Variants in ERC2 observed in about 807,000 individuals in gnomAD.
ERC2 encodes the protein ERC protein 2.
In ERC2, 42 loss-of-function variants were observed where a neutral mutation model predicts 114.8. That is an observed-to-expected ratio of 0.37 (90% CI 0.29 to 0.47). The LOEUF (loss-of-function observed/expected upper bound fraction) is 0.47. Ranked by LOEUF, ERC2 falls within the 20% of genes least tolerant of loss-of-function variation. The pLI is 0.99. For missense variants in ERC2, 939 were observed against 1,150.7 expected, an observed-to-expected ratio of 0.82 and a Z score of 2.66; for synonymous variants, 454 against 425.5, an observed-to-expected ratio of 1.07 and a Z score of -0.82.
chr3:56,114,305 C>T (rs920637375), intron 6 of ERC2, among the ~76,000 whole-genome samples: 1 of 152,132 alleles, frequency 6.6e-6, no homozygotes, highest in Non-Finnish European at 1.5e-5. Flanking sequence ...ATAAACCAGC[C>T]AGAGGAAGTC....
At chr3:55,951,204 T>C (rs1323905659) in intron 12 of ERC2, among the ~76,000 whole-genome samples, 2 of 152,200 alleles carry the variant, frequency 1.3e-5, no homozygotes, top group African/African-American at 4.8e-5. Flanking sequence ...CAGCATTTAT[T>C]TTCTTCTAAT....
intron 2 of ERC2, among the ~76,000 whole-genome samples, chr3:56,406,661 C>A (rs1258018935): frequency 6.6e-6 from 1 of 152,200 alleles, no homozygotes; most frequent in Non-Finnish European, 1.5e-5. Flanking sequence ...GTCCTGCTCA[C>A]ACCCTACAGT....
At chr3:56,386,597 A>T (rs890737066) in intron 2 of ERC2, among the ~76,000 whole-genome samples, 2 of 152,070 alleles carry the variant, frequency 1.3e-5, no homozygotes, top group African/African-American at 2.4e-5. Flanking sequence ...TCTGTTTTTT[A>T]AAATTTCCCC....
intron 15 of ERC2, among the ~76,000 whole-genome samples, chr3:55,733,454 T>C (rs937889201): frequency 1.0e-5 from 1 of 97,086 alleles, no homozygotes; most frequent in African/African-American, 3.5e-5. Flanking sequence ...TCTCTCATTC[T>C]CTCTCTCTCT....
intron 11 of ERC2, among the ~76,000 whole-genome samples, chr3:55,987,597 T>A (rs554105323): frequency 6.6e-6 from 1 of 152,346 alleles, no homozygotes; most frequent in African/African-American, 2.4e-5. Flanking sequence ...ACCATGAAAC[T>A]TCTAAAAGAT....
intron 17 of ERC2, among the ~76,000 whole-genome samples, chr3:55,627,709 T>C (rs977089877): frequency 3.3e-5 from 5 of 152,142 alleles, no homozygotes; most frequent in South Asian, 2.1e-4. Flanking sequence ...GATAGAGACA[T>C]CACAAAAGAA....
At chr3:56,065,254 C>T (rs1005413603) in intron 7 of ERC2, among the ~76,000 whole-genome samples, 2 of 151,994 alleles carry the variant, frequency 1.3e-5, no homozygotes, top group African/African-American at 2.4e-5. Context: ...GACAGGGTCT[C>T]GCTCTGTTGC....
intron 2 of ERC2, among the ~76,000 whole-genome samples, chr3:56,334,584 G>T (rs2057769472): frequency 6.6e-6 from 1 of 152,114 alleles, no homozygotes; most frequent in African/African-American, 2.4e-5. Context: ...GAATCATTAA[G>T]AAATATTGCA....
chr3:55,576,301 C>T (rs1387030279), intron 17 of ERC2, among the ~76,000 whole-genome samples: 1 of 149,758 alleles, frequency 6.7e-6, no homozygotes, highest in African/African-American at 2.5e-5. Context: ...AAGAGCAAGA[C>T]TCCATCTCAA....
intron 17 of ERC2, among the ~76,000 whole-genome samples, chr3:55,667,483 A>G: frequency 6.6e-6 from 1 of 152,210 alleles, no homozygotes; most frequent in Non-Finnish European, 1.5e-5. Context: ...TCTACATTGC[A>G]CCTGGCTATT....
At chr3:56,302,812 A>G (rs1036189081) in intron 2 of ERC2, among the ~76,000 whole-genome samples, 22 of 152,324 alleles carry the variant, frequency 1.4e-4, no homozygotes, top group African/African-American at 5.3e-4. Context: ...TGAAAGCTTC[A>G]GTCATTCTTT....
chr3:56,343,764 G>A (rs953380611), intron 2 of ERC2, among the ~76,000 whole-genome samples: 1 of 152,164 alleles, frequency 6.6e-6, no homozygotes, highest in South Asian at 2.1e-4. Flanking sequence ...GCAAAGGACA[G>A]GACACAAAGC....
intron 17 of ERC2, chr3:55,606,613 C>G (rs1288648671): frequency 1.3e-5 from 2 of 152,210 alleles, no homozygotes; most frequent in Non-Finnish European, 2.9e-5. Context: ...AATCATGGAA[C>G]AGTCTGGCTG....
chr3:56,189,028 G>A (rs991922917), intron 3 of ERC2, among the ~76,000 whole-genome samples: 1 of 152,128 alleles, frequency 6.6e-6, no homozygotes, highest in African/African-American at 2.4e-5. Flanking sequence ...AAACTTAGGA[G>A]GTAAGCACCA....
At chr3:55,962,020 T>C (rs1001213469) in intron 12 of ERC2, among the ~76,000 whole-genome samples, 1 of 152,156 alleles carries the variant, frequency 6.6e-6, no homozygotes, top group Non-Finnish European at 1.5e-5. Flanking sequence ...GGGTGGTAGG[T>C]GATGATGAAT....
chr3:55,952,171 ACACACACACTCTC>A (rs2067593109), intron 12 of ERC2, among the ~76,000 whole-genome samples: 1 of 60,070 alleles, frequency 1.7e-5, no homozygotes, highest in Non-Finnish European at 3.6e-5. Flanking sequence ...ACACACACAC[ACACACACACTCTC>A]TCTCTCTCTC....
intron 3 of ERC2, among the ~76,000 whole-genome samples, chr3:56,287,377 T>A (rs2150338272): frequency 6.6e-6 from 1 of 152,316 alleles, no homozygotes; most frequent in Admixed American, 6.5e-5. Context: ...ACATTTGTCC[T>A]TATTCTCTGC....
intron 14 of ERC2, among the ~76,000 whole-genome samples, chr3:55,820,720 C>T (rs1175314194): frequency 6.6e-6 from 1 of 152,182 alleles, no homozygotes; most frequent in East Asian, 1.9e-4. Context: ...TAGGTCACTA[C>T]TCTGGGTGAG....
chr3:55,733,542 T>TCTCTCACACA (rs377515133), intron 15 of ERC2, among the ~76,000 whole-genome samples: 13 of 107,806 alleles, frequency 1.2e-4, no homozygotes, highest in Admixed American at 1.2e-3. Context: ...TCTCTCTCTC[T>TCTCTCACACA]CACACACACA....
Sources: gnomAD v4.1 joint callset for allele counts (sites outside exome capture counted in the v4.1 genomes callset) on GRCh38, gnomAD v4.1.1 for gene constraint, MANE v1.5 for transcripts, NCBI Gene and HGNC (gene_info 2026-07-23, HGNC 2026-07-21) for gene names.